CAST: variants seen among roughly 807,000 people sequenced by gnomAD.
CAST encodes calpastatin.
In CAST, 76 loss-of-function variants were observed where a neutral mutation model predicts 119.6. That is an observed-to-expected ratio of 0.64 (90% CI 0.53 to 0.77). The LOEUF (loss-of-function observed/expected upper bound fraction) is 0.77, where lower values mean the gene tolerates loss of function less well. Ranked by LOEUF, CAST falls within the 30% of genes least tolerant of loss-of-function variation. CAST has a pLI of 0.00. For missense variants in CAST, 953 were observed against 946.5 expected (o/e 1.01, Z -0.09); for synonymous variants, 319 against 331.6 (o/e 0.96, Z 0.41).
At chr5:96,062,445 G>T in the CAST span, among the ~76,000 whole-genome samples, 1 of 152,128 alleles carries the variant, frequency 6.6e-6, no homozygotes, top group Non-Finnish European at 1.5e-5. Context: ...AGTTGGAGTA[G>T]TGCCATTTAC....
the CAST span, chr5:96,214,926 T>C: frequency 6.6e-6 from 1 of 152,180 alleles, no homozygotes; most frequent in Admixed American, 6.6e-5. Context: ...CTTAAAGCCA[T>C]AGTGTAATTC....
chr5:96,701,428 A>G lies in CAST; in HGVS notation c.210+5521A>G, dbSNP rs76014385. 8.5e-3 allele frequency among the ~76,000 whole-genome samples: 1,287 copies of G among 152,276 alleles called. 21 individuals are homozygous for G. Among genetic ancestry groups the G allele is most frequent in the African/African-American group, 0.029 (1,221 of 41,530 alleles). On this transcript the variant is annotated intron_variant, in intron 3 of 31. Transcript: ENST00000675179. Reference sequence around the variant, plus strand: ...AATTAATGTCAGTGAAACCTAGATGAGCTTTTAGTCTATTTTTAAAAAGGA... The same window carrying G: ...AATTAATGTCAGTGAAACCTAGATGGGCTTTTAGTCTATTTTTAAAAAGGA...
chr5:96,184,421 C>T, the CAST span, among the ~76,000 whole-genome samples: 2 of 152,084 alleles, frequency 1.3e-5, no homozygotes, highest in East Asian at 1.9e-4. Flanking sequence ...TAGGTAAGTT[C>T]GTGCCACGGT....
At chr5:96,114,371 T>G in the CAST span, among the ~76,000 whole-genome samples, 2 of 152,298 alleles carry the variant, frequency 1.3e-5, no homozygotes, top group East Asian at 3.9e-4. Flanking sequence ...TCCCAGGGGA[T>G]TTGTATGTAC....
the CAST span, among the ~76,000 whole-genome samples, chr5:96,074,523 C>A: frequency 8.3e-4 from 126 of 152,342 alleles, no homozygotes; most frequent in African/African-American, 2.8e-3. Context: ...ACCCTTATCT[C>A]AGACTTCCAG....
At chr5:96,264,193 G>A in the CAST span, among the ~76,000 whole-genome samples, 1 of 152,258 alleles carries the variant, frequency 6.6e-6, no homozygotes, top group Non-Finnish European at 1.5e-5. Flanking sequence ...GTCTGTTTGT[G>A]CACAGTTTAA....
the CAST span, chr5:96,394,780 G>C: frequency 8.0e-7 from 1 of 1,254,140 alleles, no homozygotes; most frequent in Non-Finnish European, 1.2e-6. Flanking sequence ...CTTATTTCCT[G>C]CTTGGAAGTT....
the CAST span, chr5:95,961,594 T>G: frequency 1.2e-6 from 2 of 1,603,254 alleles, no homozygotes; most frequent in South Asian, 2.2e-5. Context: ...CTGGTAAGTC[T>G]CGAGCGCCCG....
chr5:96,200,989 A>C, the CAST span, among the ~76,000 whole-genome samples: 13 of 152,112 alleles, frequency 8.5e-5, no homozygotes, highest in Non-Finnish European at 1.5e-4. Context: ...GTGGCTTTTC[A>C]AGTCATGTAA....
chr5:96,387,859 C>T, the CAST span, among the ~76,000 whole-genome samples: 1 of 152,140 alleles, frequency 6.6e-6, no homozygotes, highest in Non-Finnish European at 1.5e-5. Context: ...TTATAAATCA[C>T]CTGTCACTGG....
At chr5:96,617,589 A>T (rs1219155684) in intron 1 of CAST, among the ~76,000 whole-genome samples, 3 of 151,836 alleles carry the variant, frequency 2.0e-5, no homozygotes, top group Non-Finnish European at 2.9e-5. Context: ...GGAGATCGAG[A>T]CCATCCTGGC....
chr5:96,172,459 T>C, the CAST span, among the ~76,000 whole-genome samples: 3 of 152,232 alleles, frequency 2.0e-5, no homozygotes, highest in Admixed American at 2.0e-4. Context: ...ACATTCTAGA[T>C]TATTCAGTAG....
chr5:96,762,198 G>A, intron 24 of CAST, 76 bp from the exon 25 acceptor site: 1 of 829,630 alleles, frequency 1.2e-6, no homozygotes, highest in Non-Finnish European at 1.9e-6. Context: ...ATCTTTAAGA[G>A]TTATAGTTAA....
chr5:96,523,877 G>C (rs993530221), upstream of CAST, among the ~76,000 whole-genome samples: 1 of 152,114 alleles, frequency 6.6e-6, no homozygotes, highest in Non-Finnish European at 1.5e-5. Flanking sequence ...ACCTCCCATT[G>C]GGCAAAACTT....
chr5:96,603,568 A>G (rs73152062), intron 1 of CAST, among the ~76,000 whole-genome samples: 12,621 of 152,084 alleles, frequency 0.083, 602 homozygotes, highest in African/African-American at 0.14. Context: ...CATCTCCTAT[A>G]ATAGCAATGC....
chr5:96,372,588 C>A, the CAST span, among the ~76,000 whole-genome samples: 1 of 152,134 alleles, frequency 6.6e-6, no homozygotes, highest in Non-Finnish European at 1.5e-5. Flanking sequence ...AACAAGCAAG[C>A]CTGATCCCAG....
the CAST span, among the ~76,000 whole-genome samples, chr5:96,379,151 C>A: frequency 6.6e-6 from 1 of 152,010 alleles, no homozygotes; most frequent in Non-Finnish European, 1.5e-5. Flanking sequence ...CTTTTGATAC[C>A]AGTGAATGTT....
chr5:96,346,261 AT>A, the CAST span, among the ~76,000 whole-genome samples: 1 of 152,208 alleles, frequency 6.6e-6, no homozygotes, highest in Admixed American at 6.6e-5. Flanking sequence ...CTATTCACTT[AT>A]AATGATATTC....
the CAST span, among the ~76,000 whole-genome samples, chr5:96,291,908 C>G: frequency 6.8e-6 from 1 of 146,626 alleles, no homozygotes; most frequent in African/African-American, 2.5e-5. Context: ...GTGCCGATGA[C>G]AGATACAGAA....
Sources: gnomAD v4.1 joint callset for allele counts (sites outside exome capture counted in the v4.1 genomes callset) on GRCh38, gnomAD v4.1.1 for gene constraint, MANE v1.5 for transcripts, NCBI Gene and HGNC (gene_info 2026-07-23, HGNC 2026-07-21) for gene names.